Variants in DOCK6 observed in about 807,000 individuals in gnomAD.
DOCK6 encodes the protein dedicator of cytokinesis protein 6.
Under a neutral mutation model 230.3 loss-of-function variants are expected in DOCK6, and 167 were observed. The observed-to-expected ratio is 0.73, with a 90% CI of 0.64 to 0.82. DOCK6 has a LOEUF of 0.82. Ranked by LOEUF, DOCK6 falls within the 40% of genes least tolerant of loss-of-function variation. The pLI is 0.00. For missense variants in DOCK6, 2,598 were observed against 2,825.8 expected, an observed-to-expected ratio of 0.92 and a Z score of 1.83; for synonymous variants, 1,148 against 1,185.0, an observed-to-expected ratio of 0.97 and a Z score of 0.64.
chr19:11,254,718 G>C, intron 1 of DOCK6, among the ~76,000 whole-genome samples: 1 of 152,062 alleles, frequency 6.6e-6, no homozygotes, highest in East Asian at 1.9e-4. Flanking sequence ...GGGGGTAAAG[G>C]GGCAAGACTC....
intron 1 of DOCK6, among the ~76,000 whole-genome samples, chr19:11,259,838 C>T (rs1451731512): frequency 4.0e-5 from 6 of 148,360 alleles, no homozygotes; most frequent in Admixed American, 1.4e-4. Flanking sequence ...CTGCCTCGGC[C>T]TCCCAAAGTC....
chr19:11,201,809 G>A lies in DOCK6; in HGVS notation c.5688+80C>T. On this transcript the variant is annotated intron_variant, in intron 44 of 47. Coordinates refer to ENST00000294618, the MANE Select transcript of DOCK6 (RefSeq NM_020812.4). This position sits in a 1 kb window ranked among gnomAD's most constrained non-coding sequence, Gnocchi z 4.3. Reference sequence around the variant, plus strand: ...TGAACCACCTTGGGTCTGGGTCCCTGTGTCTACCCTCCCCTCCCCTCCCAG... The same window carrying A: ...TGAACCACCTTGGGTCTGGGTCCCTATGTCTACCCTCCCCTCCCCTCCCAG... The A allele has an allele frequency of 7.6e-7, 1 of 1,323,748 alleles. No individual in the cohort carries two copies. The allele number at this position is 1,323,748 out of a possible 1,614,324, so 82.0% of individuals were successfully genotyped here. A position where few individuals can be genotyped will look rare whatever the true frequency, so the allele number is the denominator to read the frequency against.
intron 22 of DOCK6, among the ~76,000 whole-genome samples, chr19:11,231,397 C>T (rs1041370437): frequency 2.7e-5 from 4 of 149,754 alleles, no homozygotes; most frequent in African/African-American, 7.4e-5. Context: ...AGCTGGTATT[C>T]GGTTGCTACT....
chr19:11,240,663 T>C (rs1342474965), intron 14 of DOCK6, among the ~76,000 whole-genome samples: 1 of 149,326 alleles, frequency 6.7e-6, no homozygotes, highest in Non-Finnish European at 1.5e-5. Context: ...CACTGCAACC[T>C]CCACCTCCTA....
chr19:11,251,766 A>G (rs1328093675), intron 5 of DOCK6: 1 of 164,638 alleles, frequency 6.1e-6, no homozygotes, highest in Non-Finnish European at 1.3e-5. Flanking sequence ...AAACAACAAT[A>G]ATCTTTGGAA....
chr19:11,243,196 G>A lies in DOCK6; in HGVS notation c.1387-44C>T, dbSNP rs915505649. 4 of 1,613,032 alleles carry A rather than the reference G, an allele frequency of 2.5e-6. No individual in the cohort carries two copies. Among genetic ancestry groups the A allele is most frequent in the Non-Finnish European group, 2.5e-6 (3 of 1,179,280 alleles). On this transcript the variant is annotated intron_variant, in intron 12 of 47. Coordinates refer to ENST00000294618, the MANE Select transcript of DOCK6 (RefSeq NM_020812.4). The surrounding 1 kb of genome is among the most constrained non-coding windows in gnomAD (Gnocchi z 6.3). ...CGTCAGCCTGGGCCAGGGGGCTAGG[G>A]GTCCCCAGGGCTAATGCAGCCAGCG...
intron 14 of DOCK6, among the ~76,000 whole-genome samples, chr19:11,240,901 C>T (rs900464258): frequency 6.6e-6 from 1 of 151,730 alleles, no homozygotes; most frequent in African/African-American, 2.4e-5. Context: ...AAACTGGTAA[C>T]ATTTTGTGAG....
At chr19:11,220,708 A>C (rs2079565348) in intron 28 of DOCK6, among the ~76,000 whole-genome samples, 2 of 152,244 alleles carry the variant, frequency 1.3e-5, no homozygotes, top group Non-Finnish European at 2.9e-5. Flanking sequence ...TTTTAAAGTT[A>C]GAAGAAAAGA....
intron 37 of DOCK6, among the ~76,000 whole-genome samples, chr19:11,209,766 A>AC (rs1331940620): frequency 5.9e-5 from 1 of 17,000 alleles, no homozygotes; most frequent in Non-Finnish European, 1.0e-4. Flanking sequence ...CCACCCCCTC[A>AC]CTGTCCACCC....
intron 13 of DOCK6, 50 bp from the exon 14 acceptor site, chr19:11,242,257 G>C: frequency 1.4e-6 from 2 of 1,396,184 alleles, no homozygotes; most frequent in South Asian, 4.0e-5. Context: ...TCCTGGCTCA[G>C]CCCACCCTTT....
chr19:11,233,697 G>T (rs2079804872), intron 21 of DOCK6, among the ~76,000 whole-genome samples: 1 of 152,098 alleles, frequency 6.6e-6, no homozygotes, highest in Non-Finnish European at 1.5e-5. Flanking sequence ...AAATTAGCCG[G>T]GCATGGCAGT....
intron 1 of DOCK6, among the ~76,000 whole-genome samples, chr19:11,258,808 G>A (rs1252199844): frequency 6.6e-6 from 1 of 151,290 alleles, no homozygotes; most frequent in Non-Finnish European, 1.5e-5. Context: ...CCAGGCTGGA[G>A]TGCAGTGGCG....
intron 21 of DOCK6, 76 bp from the exon 22 acceptor site, chr19:11,233,442 T>C (rs773886539): frequency 5.2e-6 from 8 of 1,524,986 alleles, no homozygotes; most frequent in Non-Finnish European, 7.1e-6. Flanking sequence ...ACTCAGCTAA[T>C]CTCTGCAAAA....
Position 11,236,867 on chromosome 19 carries a change from C to T in DOCK6, c.2086G>A (p.Gly696Ser), listed in dbSNP as rs1482272930. ...SVLTPDVALP[G>S]MRWVDGHKGV... ...TTGTGACCGTCCACCCAGCGCATGCCCGGAAGCGCCACCTGTGGGAGGGAG... is the reference window on the plus strand; with the variant it reads ...TTGTGACCGTCCACCCAGCGCATGCTCGGAAGCGCCACCTGTGGGAGGGAG... The change falls in exon 19 of 48, where the codon GGC becomes AGC. Residue 696 changes from glycine (G) to serine (S), a missense_variant. Physicochemically the swap from Gly to Ser is moderately conservative, Grantham distance 56. Coordinates refer to ENST00000294618, the MANE Select transcript of DOCK6 (RefSeq NM_020812.4). The surrounding 1 kb of genome is among the most constrained non-coding windows in gnomAD (Gnocchi z 5.2). 5 of 1,553,570 alleles carry T rather than the reference C, an allele frequency of 3.2e-6. No individual in the cohort carries two copies. In the Admixed American group the frequency reaches 7.8e-5, roughly 24 times the overall value.
At chr19:11,253,879 C>A in intron 1 of DOCK6, 153 bp from the exon 2 acceptor site, 2 of 560,816 alleles carry the variant, frequency 3.6e-6, no homozygotes, top group Non-Finnish European at 6.2e-6. Flanking sequence ...GGGCCCACAG[C>A]TCCCCAGTTC....
chr19:11,261,697 GTC>G (rs993238072), intron 1 of DOCK6, among the ~76,000 whole-genome samples: 2 of 151,906 alleles, frequency 1.3e-5, no homozygotes, highest in Non-Finnish European at 2.9e-5. Flanking sequence ...CCTGGGGCCT[GTC>G]CCCTCCCCCG....
At chr19:11,231,096 C>T (rs550135392) in intron 22 of DOCK6, among the ~76,000 whole-genome samples, 7 of 152,286 alleles carry the variant, frequency 4.6e-5, no homozygotes, top group Middle Eastern at 3.4e-3. Flanking sequence ...AAAGGCCCCC[C>T]CTGCTTGTTC....
At chr19:11,215,696 G>T (rs2079474125) in intron 31 of DOCK6, 105 bp downstream of exon 31, 1 of 1,570,356 alleles carries the variant, frequency 6.4e-7, no homozygotes, top group East Asian at 2.3e-5. Flanking sequence ...TCCAGGAAAA[G>T]TGAGGCAGAA....
Position 11,235,692 on chromosome 19 carries a change from C to T in DOCK6, c.2460G>A (p.Glu820=). Residue 820 remains glutamate, a synonymous_variant, in exon 21 of 48, where the codon GAG becomes GAA. Coordinates refer to ENST00000294618, the MANE Select transcript of DOCK6 (RefSeq NM_020812.4). ...HVVSLVHRSL[E]AAQDARGHCP... is the part of the protein sequence containing the mutation. ...AGTGACCGCGGGCATCCTGGGCTGCCTCCAGGCTCCGGTGAACAAGGCTGA... is the reference window on the plus strand; with the variant it reads ...AGTGACCGCGGGCATCCTGGGCTGCTTCCAGGCTCCGGTGAACAAGGCTGA... The T allele has an allele frequency of 6.2e-7, 1 of 1,601,518 alleles. No individual in the cohort carries two copies. Among genetic ancestry groups the T allele is most frequent in the Non-Finnish European group, 8.5e-7 (1 of 1,174,020 alleles).
Sources: gnomAD v4.1 joint callset for allele counts (sites outside exome capture counted in the v4.1 genomes callset) on GRCh38, gnomAD v4.1.1 for gene constraint, Gnocchi (gnomAD v3.1) non-coding constraint, MANE v1.5 for transcripts, NCBI Gene and HGNC (gene_info 2026-07-23, HGNC 2026-07-21) for gene names.